The following GRID2 variants were observed in gnomAD, a reference collection of about 807,000 sequenced individuals.
GRID2 encodes the protein glutamate receptor ionotropic, delta-2.
Under a neutral mutation model 114.8 loss-of-function variants are expected in GRID2, and 33 were observed. That is an observed-to-expected ratio of 0.29 (90% CI 0.22 to 0.38). GRID2 has a LOEUF of 0.38. Among genes scored for constraint, GRID2 ranks in the 10% least tolerant of loss-of-function variants. The pLI, the probability that GRID2 is intolerant of heterozygous loss-of-function variation, is 1.00. For missense variants in GRID2, 1,184 were observed against 1,257.7 expected (o/e 0.94, Z 0.89); for synonymous variants, 505 against 449.9 (o/e 1.12, Z -1.55).
In GRID2 at chr4:93,495,122, A is replaced by G. The variant is rs77482472; in HGVS notation, c.1997+4345A>G. On this transcript the variant is annotated intron_variant, in intron 12 of 15. Transcript: ENST00000282020. ...TGGACCTACTCAAAGGGATCCCAAC[A>G]TCCCACCATATTTTTGTGTTCAGTG... is the stretch of plus-strand genomic sequence containing the variant. Among the ~76,000 whole-genome samples the G allele has an allele frequency of 3.2e-4, 48 of 151,850 alleles. No individual in the cohort carries two copies. The East Asian group carries it at 8.6e-3, about 27-fold the overall frequency.
chr4:93,231,377 C>T (rs937411515), intron 7 of GRID2, among the ~76,000 whole-genome samples: 1 of 143,150 alleles, frequency 7.0e-6, no homozygotes, highest in African/African-American at 2.5e-5. Flanking sequence ...TGGAATTACC[C>T]CGCACCCCCT....
intron 14 of GRID2, among the ~76,000 whole-genome samples, chr4:93,741,187 A>ATATATATG (rs1731368256): frequency 3.1e-5 from 1 of 32,704 alleles, no homozygotes; most frequent in Non-Finnish European, 6.2e-5. Context: ...ATATATATAT[A>ATATATATG]TATATATATA....
At chr4:93,669,458 T>A (rs1368112127) in intron 14 of GRID2, among the ~76,000 whole-genome samples, 1 of 151,206 alleles carries the variant, frequency 6.6e-6, no homozygotes, top group Admixed American at 6.6e-5. Context: ...GCTACCAGAC[T>A]TATTTTGGAA....
In GRID2 at chr4:93,667,856, C is replaced by T. The variant is rs550077781; in HGVS notation, c.2360+41421C>T. 2.6e-4 allele frequency among the ~76,000 whole-genome samples: 39 copies of T among 152,084 alleles called. No individual in the cohort carries two copies. In the South Asian group the frequency reaches 7.3e-3, roughly 28 times the overall value. ...ATTCGCCATGTGAAACAAGATTTAA[C>T]GTAATGCAGTGTAGGATCAGCATAG... On this transcript the variant is annotated intron_variant, in intron 14 of 15. Coordinates refer to ENST00000282020, the MANE Select transcript of GRID2 (RefSeq NM_001510.4).
downstream of GRID2, among the ~76,000 whole-genome samples, chr4:93,779,217 T>C (rs1436141465): frequency 1.3e-5 from 2 of 152,028 alleles, no homozygotes; most frequent in African/African-American, 2.4e-5. Context: ...CCTTTTTTTT[T>C]TTTTAATGAG....
At chr4:93,546,476 C>G (rs1251277926) in intron 13 of GRID2, among the ~76,000 whole-genome samples, 1 of 152,044 alleles carries the variant, frequency 6.6e-6, no homozygotes, top group Non-Finnish European at 1.5e-5. Flanking sequence ...GCAAAGAGGA[C>G]CAAGGAGGGC....
intron 4 of GRID2, among the ~76,000 whole-genome samples, chr4:93,202,936 G>A (rs1742265493): frequency 6.6e-6 from 1 of 151,976 alleles, no homozygotes; most frequent in African/African-American, 2.4e-5. Context: ...ATGTTTCACT[G>A]AATATATATA....
At chr4:92,648,513 T>A (rs1731757347) in intron 2 of GRID2, among the ~76,000 whole-genome samples, 1 of 149,740 alleles carries the variant, frequency 6.7e-6, no homozygotes, top group Non-Finnish European at 1.5e-5. Context: ...CGAGCATGGC[T>A]GTTAATGCTG....
intron 1 of GRID2, among the ~76,000 whole-genome samples, chr4:92,360,483 T>G (rs967470965): frequency 6.6e-6 from 1 of 151,750 alleles, no homozygotes; most frequent in Non-Finnish European, 1.5e-5. Flanking sequence ...ATTCTAGACA[T>G]AGAATAATAA....
At chr4:93,096,230 C>G (rs887497466) in intron 3 of GRID2, among the ~76,000 whole-genome samples, 13 of 151,984 alleles carry the variant, frequency 8.6e-5, no homozygotes, top group Non-Finnish European at 1.5e-5. Context: ...AGATTTATCA[C>G]ATACTAAAAC....
At chr4:93,353,387 GA>G (rs1420672053) in intron 8 of GRID2, among the ~76,000 whole-genome samples, 3 of 151,962 alleles carry the variant, frequency 2.0e-5, no homozygotes, top group Non-Finnish European at 4.4e-5. Flanking sequence ...GAAACAGCTA[GA>G]TGTGAAAAAT....
intron 2 of GRID2, among the ~76,000 whole-genome samples, chr4:92,917,369 A>G (rs1365603328): frequency 6.6e-6 from 1 of 152,004 alleles, no homozygotes; most frequent in African/African-American, 2.4e-5. Context: ...GTTTAATTAG[A>G]TCCCATTTGT....
intron 2 of GRID2, among the ~76,000 whole-genome samples, chr4:92,865,775 T>A (rs1744815830): frequency 6.6e-6 from 1 of 152,196 alleles, no homozygotes; most frequent in African/African-American, 2.4e-5. Context: ...TGAATAATAT[T>A]TCGGCCATAA....
intron 2 of GRID2, among the ~76,000 whole-genome samples, chr4:92,722,260 G>A (rs77195135): frequency 4.6e-5 from 7 of 152,250 alleles, no homozygotes; most frequent in African/African-American, 1.7e-4. Context: ...ATCATGGAGT[G>A]CATGCTACAA....
intron 8 of GRID2, among the ~76,000 whole-genome samples, chr4:93,254,073 C>T (rs1410824778): frequency 6.6e-6 from 1 of 151,952 alleles, no homozygotes; most frequent in Non-Finnish European, 1.5e-5. Context: ...TTATAGAGTT[C>T]TTTTCAATAA....
intron 10 of GRID2, among the ~76,000 whole-genome samples, chr4:93,447,762 A>G (rs751155995): frequency 3.3e-5 from 5 of 151,938 alleles, no homozygotes; most frequent in Non-Finnish European, 7.4e-5. Flanking sequence ...AAGTTACCCA[A>G]TTAATTCTGA....
At chr4:93,396,162 G>T (rs186850209) in intron 9 of GRID2, among the ~76,000 whole-genome samples, 134 of 152,088 alleles carry the variant, frequency 8.8e-4, no homozygotes, top group Non-Finnish European at 1.7e-3. Context: ...TTTCTCGTAA[G>T]AACCTACTTC....
At chr4:93,514,163 C>G (rs1477749721) in intron 12 of GRID2, among the ~76,000 whole-genome samples, 5 of 152,000 alleles carry the variant, frequency 3.3e-5, no homozygotes, top group African/African-American at 4.8e-5. Context: ...TAGAGTTGGG[C>G]ACCTACACAA....
At chr4:92,985,735 G>A (rs981188103) in intron 2 of GRID2, among the ~76,000 whole-genome samples, 16 of 152,128 alleles carry the variant, frequency 1.1e-4, no homozygotes, top group Non-Finnish European at 2.4e-4. Context: ...AAGGCGAACT[G>A]TAACATTCCC....
Sources: allele counts gnomAD v4.1 joint callset (sites outside exome capture counted in the v4.1 genomes callset), GRCh38; gene constraint gnomAD v4.1.1; transcripts MANE v1.5; gene names NCBI Gene and HGNC (gene_info 2026-07-23, HGNC 2026-07-21).